Variants in DHX29 observed in about 807,000 individuals in gnomAD.
The protein encoded by DHX29 is ATP-dependent RNA helicase DHX29.
A neutral mutation model predicts 167.9 loss-of-function variants in DHX29; 79 were observed. The observed-to-expected ratio is 0.47, with a 90% CI of 0.39 to 0.57. DHX29 has a LOEUF of 0.57. DHX29 is among the 20% of genes least tolerant of loss of function. The pLI is 0.00. For missense variants in DHX29, 1,347 were observed against 1,593.4 expected (o/e 0.85, Z 2.63); for synonymous variants, 530 against 546.0 (o/e 0.97, Z 0.41).
At chr5:55,295,572 T>C (rs752573541) in intron 4 of DHX29, 48 bp from the exon 5 acceptor site, 4 of 1,570,546 alleles carry the variant, frequency 2.5e-6, no homozygotes, top group Non-Finnish European at 3.5e-6. Context: ...ATATGATACA[T>C]AAAACACACA....
In DHX29 at chr5:55,300,970, T is replaced by C. The variant is rs139219310; in HGVS notation, c.188-2306A>G. ...GAGGCCTCTTCTCTTGGCATGTAGG[T>C]GGCCATCATCTTGCTATATGTTCAC... is the stretch of plus-strand genomic sequence containing the variant. On this transcript the variant is annotated intron_variant, in intron 1 of 26. Transcript: ENST00000251636. Among the ~76,000 whole-genome samples the C allele has an allele frequency of 1.3e-3, 202 of 152,262 alleles. 2 individuals are homozygous for C. In the Middle Eastern group the frequency reaches 0.024, roughly 18 times the overall value.
chr5:55,267,518 G>A (rs1330768863), intron 22 of DHX29, among the ~76,000 whole-genome samples, 168 bp downstream of exon 22: 3 of 152,020 alleles, frequency 2.0e-5, no homozygotes, highest in Non-Finnish European at 4.4e-5. Flanking sequence ...TTTTAGGAAG[G>A]ATTATAAAAC....
chr5:55,276,073 C>T (rs1579775143), intron 14 of DHX29, among the ~76,000 whole-genome samples, 193 bp downstream of exon 14: 1 of 152,208 alleles, frequency 6.6e-6, no homozygotes, highest in East Asian at 1.9e-4. Context: ...CAAAGTATCA[C>T]AAATCAAAGA....
rs760896767 is a variant in DHX29 at position 55,285,282 on chromosome 5, A to G, written c.1356+11T>C. The G allele has an allele frequency of 1.2e-6, 2 of 1,613,004 alleles. No individual in the cohort carries two copies. Among genetic ancestry groups the G allele is most frequent in the Admixed American group, 1.7e-5 (1 of 59,806 alleles). On this transcript the variant is annotated intron_variant, in intron 10 of 26. Transcript: ENST00000251636. ...CCACATACAGATATAGTTAGGCCTA[A>G]AAAGTCTTACCTGCCCTTTAACTAA...
intron 20 of DHX29, 54 bp downstream of exon 20, chr5:55,270,358 T>A: frequency 6.6e-7 from 1 of 1,514,612 alleles, no homozygotes; most frequent in East Asian, 2.4e-5. Context: ...TCATTTTTTT[T>A]CTTTTCTAGA....
chr5:55,264,573 G>A (rs1746465102), intron 23 of DHX29, among the ~76,000 whole-genome samples: 1 of 152,168 alleles, frequency 6.6e-6, no homozygotes, highest in South Asian at 2.1e-4. Context: ...AAGCAAGGAA[G>A]CCATCAAAGA....
chr5:55,307,024 C>T (rs1474656152), intron 1 of DHX29, among the ~76,000 whole-genome samples: 1 of 152,164 alleles, frequency 6.6e-6, no homozygotes, highest in African/African-American at 2.4e-5. Context: ...TGGCTGGCAC[C>T]AGGAGGTCAG....
Position 55,285,846 on chromosome 5 carries a change from G to A in DHX29, c.1082C>T (p.Pro361Leu), listed in dbSNP as rs766116134. 8 of 1,559,264 alleles carry A rather than the reference G, an allele frequency of 5.1e-6. No homozygotes were observed. The highest frequency in any genetic ancestry group is 7.0e-6 in the Non-Finnish European group (8 of 1,148,670). The change falls in exon 9 of 27, where the codon CCT becomes CTT. Residue 361 changes from proline to leucine, a missense_variant. Coordinates refer to ENST00000251636, the MANE Select transcript of DHX29 (RefSeq NM_019030.4). Reference sequence around the variant, plus strand: ...ATAGTCAAAATTTCTTACATCATGAGGTTCTTTCTTTTTATCTAAAATGGT... The same window carrying A: ...ATAGTCAAAATTTCTTACATCATGAAGTTCTTTCTTTTTATCTAAAATGGT... ...TEEEKDKKKE[P>L]HDVRNFDYTA... is the part of the protein sequence containing the mutation.
At chr5:55,265,301 A>G (rs80166608) in intron 23 of DHX29, among the ~76,000 whole-genome samples, 3,240 of 151,246 alleles carry the variant, frequency 0.021, 48 homozygotes, top group Non-Finnish European at 0.035. Context: ...GAATTTTGTA[A>G]TGGATGAACC....
At chr5:55,301,325 T>A (rs979358061) in intron 1 of DHX29, among the ~76,000 whole-genome samples, 3 of 152,188 alleles carry the variant, frequency 2.0e-5, no homozygotes, top group Admixed American at 2.0e-4. Flanking sequence ...ATCTCAGAAT[T>A]ATTATGAAAA....
At chr5:55,257,803 C>T (rs1197696710) in intron 26 of DHX29, among the ~76,000 whole-genome samples, 1 of 152,178 alleles carries the variant, frequency 6.6e-6, no homozygotes, top group African/African-American at 2.4e-5. Context: ...CAAAGGGAAA[C>T]ACTGATATCA....
At chr5:55,301,400 T>C (rs1224487493) in intron 1 of DHX29, among the ~76,000 whole-genome samples, 3 of 152,096 alleles carry the variant, frequency 2.0e-5, no homozygotes, top group Middle Eastern at 3.2e-3. Flanking sequence ...TGAGCACACT[T>C]TGAGAAACAC....
chr5:55,281,386 CAT>C lies in DHX29; in HGVS notation c.2093_2094del (p.His698ArgfsTer5), dbSNP rs762405740. ...QEDGLLSNVS[H>X]VIVDEVHERS... Reference sequence around the variant, plus strand: ...AATCCACTCACCTCATCTACAATAACATGAGACACATTACTTAGAAGACCATC... The same window carrying C: ...AATCCACTCACCTCATCTACAATAACGAGACACATTACTTAGAAGACCATC... On this transcript the variant is annotated frameshift_variant, in exon 12 of 27. Coordinates refer to ENST00000251636, the MANE Select transcript of DHX29 (RefSeq NM_019030.4). LOFTEE classifies it high-confidence loss of function. 5 of 1,598,386 alleles carry C rather than the reference CAT, an allele frequency of 3.1e-6. No individual in the cohort carries two copies. Among genetic ancestry groups the C allele is most frequent in the Non-Finnish European group, 8.5e-7 (1 of 1,172,520 alleles).
chr5:55,283,302 T>C lies in DHX29; in HGVS notation c.1866A>G (p.Lys622=), dbSNP rs1242560128. 1 of 1,614,164 alleles carries C rather than the reference T, an allele frequency of 6.2e-7. No homozygotes were observed. The highest frequency in any genetic ancestry group is 1.1e-5 in the South Asian group (1 of 91,078). Residue 622 remains lysine (K), a synonymous_variant, in exon 11 of 27, where the codon AAA becomes AAG. Coordinates refer to ENST00000251636, the MANE Select transcript of DHX29 (RefSeq NM_019030.4). ...DLLLNEWEAS[K]CNIVCTQPRR... is the part of the protein sequence containing the mutation. ...GGGGTTGGGTACAGACAATGTTACA[T>C]TTACTTGCTTCCCACTCATTTAGAA...
At chr5:55,271,165 A>G (rs1037466160) in intron 18 of DHX29, among the ~76,000 whole-genome samples, 2 of 152,238 alleles carry the variant, frequency 1.3e-5, no homozygotes, top group African/African-American at 4.8e-5. Context: ...AAATATTGCT[A>G]TGGTTTCCTA....
intron 10 of DHX29, among the ~76,000 whole-genome samples, chr5:55,284,897 G>C (rs1747636816): frequency 6.6e-6 from 1 of 152,162 alleles, no homozygotes; most frequent in Non-Finnish European, 1.5e-5. Flanking sequence ...AGCTGGATGT[G>C]GTGGCACATG....
At chr5:55,275,202 T>G (rs755839204) in intron 14 of DHX29, among the ~76,000 whole-genome samples, 192 bp from the exon 15 acceptor site, 1 of 152,196 alleles carries the variant, frequency 6.6e-6, no homozygotes, top group Non-Finnish European at 1.5e-5. Context: ...ATCATCTCTG[T>G]CCTATAATTT....
chr5:55,281,199 A>G (rs1355814971), intron 12 of DHX29, among the ~76,000 whole-genome samples, 173 bp downstream of exon 12: 1 of 152,038 alleles, frequency 6.6e-6, no homozygotes, highest in African/African-American at 2.4e-5. Context: ...CAAATATTAT[A>G]TAGTATTTAT....
At chr5:55,264,413 A>G (rs762582054) in intron 23 of DHX29, among the ~76,000 whole-genome samples, 7 of 152,224 alleles carry the variant, frequency 4.6e-5, no homozygotes, top group African/African-American at 9.6e-5. Context: ...ATGCCTTTTC[A>G]TAACTAGCCA....
Sources: gnomAD v4.1 joint callset for allele counts (sites outside exome capture counted in the v4.1 genomes callset) on GRCh38, gnomAD v4.1.1 for gene constraint, MANE v1.5 for transcripts, NCBI Gene and HGNC (gene_info 2026-07-23, HGNC 2026-07-21) for gene names.